PREPL: variants seen among roughly 807,000 people sequenced by gnomAD.
PREPL encodes prolyl endopeptidase-like.
In PREPL, 77 loss-of-function variants were observed where a neutral mutation model predicts 70.6. The ratio of observed to expected loss-of-function variants is 1.09; its 90% CI spans 0.91 to 1.32. The LOEUF (loss-of-function observed/expected upper bound fraction) is 1.32, where lower values mean the gene tolerates loss of function less well. PREPL is among the 40% of genes most tolerant of loss of function. The probability of loss-of-function intolerance (pLI) is 0.00; values close to 1 mark genes in which losing one functional copy is unlikely to be tolerated. For synonymous variants in PREPL, 315 were observed against 264.8 expected, an observed-to-expected ratio of 1.19 and a Z score of -1.84; for missense variants, 1,002 against 778.2, an observed-to-expected ratio of 1.29 and a Z score of -3.42.
intron 1 of PREPL, among the ~76,000 whole-genome samples, chr2:44,358,327 A>C (rs934257443): frequency 5.9e-5 from 9 of 152,216 alleles, no homozygotes; most frequent in Admixed American, 3.9e-4. Context: ...TGTTATACAT[A>C]TATTTTACCC....
intron 7 of PREPL, among the ~76,000 whole-genome samples, chr2:44,337,599 G>C (rs564921569): frequency 1.3e-5 from 2 of 152,182 alleles, no homozygotes; most frequent in Non-Finnish European, 2.9e-5. Flanking sequence ...AACTGGCTCA[G>C]TAACTCTTTT....
At chr2:44,337,508 T>C (rs1476142500) in intron 7 of PREPL, among the ~76,000 whole-genome samples, 1 of 152,208 alleles carries the variant, frequency 6.6e-6, no homozygotes, top group Non-Finnish European at 1.5e-5. Flanking sequence ...AGCCACTGAA[T>C]TGACTGAAAT....
rs1246133086 is a variant in PREPL at position 44,344,646 on chromosome 2, A to C, written c.76-60T>G. 4 of 1,270,862 alleles carry C rather than the reference A, an allele frequency of 3.1e-6. No homozygotes were observed. The African/African-American group carries it at 6.1e-5, about 19-fold the overall frequency. The allele number at this position is 1,270,862 out of a possible 1,614,324, so 78.7% of individuals were successfully genotyped here. A position where few individuals can be genotyped will look rare whatever the true frequency, so the allele number is the denominator to read the frequency against. On this transcript the variant is annotated intron_variant, in intron 2 of 13. Coordinates refer to ENST00000409411, the MANE Select transcript of PREPL (RefSeq NM_001171613.2). Reference sequence around the variant, plus strand: ...ATTTAATTAACCTTTTCATAGTCTGACTATTCAAGATGAAGATGAAATGAA... The same window carrying C: ...ATTTAATTAACCTTTTCATAGTCTGCCTATTCAAGATGAAGATGAAATGAA...
At chr2:44,355,454 C>A (rs902922963) in intron 1 of PREPL, among the ~76,000 whole-genome samples, 1 of 152,138 alleles carries the variant, frequency 6.6e-6, no homozygotes, top group African/African-American at 2.4e-5. Flanking sequence ...GAGGCTAAGG[C>A]ACGAGAATCA....
chr2:44,329,796 C>T (rs1329095495), intron 8 of PREPL, among the ~76,000 whole-genome samples: 1 of 152,150 alleles, frequency 6.6e-6, no homozygotes, highest in Non-Finnish European at 1.5e-5. Flanking sequence ...GTAGCTCAAA[C>T]TCATCAGTTC....
Position 44,322,748 on chromosome 2 carries a change from G to C in PREPL, c.1736C>G (p.Ala579Gly), listed in dbSNP as rs527518865. The change falls in exon 12 of 14, where the codon GCT becomes GGT. Residue 579 changes from alanine to glycine, a missense_variant. Ala to Gly is a moderately conservative substitution (Grantham distance 60, BLOSUM62 0). Transcript: ENST00000409411. The part of the protein sequence containing the change: ...EKLKEAIAEH[A>G]KDTGEGYQTP... ...TCTCCTACCTTCACCTGTGTCCTTAGCATGCTCCGCGATGGCTTCCTTGAG... is the reference window on the plus strand; with the variant it reads ...TCTCCTACCTTCACCTGTGTCCTTACCATGCTCCGCGATGGCTTCCTTGAG... 4 of 1,613,706 alleles carry C rather than the reference G, an allele frequency of 2.5e-6. No individual in the cohort carries two copies. In the East Asian group the frequency reaches 8.9e-5, roughly 36 times the overall value.
In PREPL at chr2:44,326,196, A is replaced by G. The variant is rs192144072; in HGVS notation, c.1479+516T>C. 4.1e-4 allele frequency among the ~76,000 whole-genome samples: 62 copies of G among 152,338 alleles called. No individual in the cohort carries two copies. In the East Asian group the frequency reaches 8.9e-3, roughly 22 times the overall value. On this transcript the variant is annotated intron_variant, in intron 10 of 13. Transcript: ENST00000409411. ...ATACAAATGAGCAATGGAAATAGCC[A>G]TTAATATCTTTCAGTGGAAAGCCTT...
intron 1 of PREPL, among the ~76,000 whole-genome samples, chr2:44,356,626 C>T (rs1380860713): frequency 6.6e-6 from 1 of 152,062 alleles, no homozygotes; most frequent in African/African-American, 2.4e-5. Context: ...GGGGTGAGAT[C>T]CAGGAATCCG....
At chr2:44,340,461 T>A (rs895965197) in intron 5 of PREPL, among the ~76,000 whole-genome samples, 9 of 152,286 alleles carry the variant, frequency 5.9e-5, no homozygotes, top group Admixed American at 5.9e-4. Flanking sequence ...CTGAAAAACG[T>A]AAAGAATCCC....
Position 44,329,040 on chromosome 2 carries a change from C to A in PREPL, c.1159G>T (p.Val387Leu). The A allele has an allele frequency of 9.9e-6, 16 of 1,613,144 alleles. No homozygotes were observed. Among genetic ancestry groups the A allele is most frequent in the Non-Finnish European group, 1.3e-5 (15 of 1,179,208 alleles). The change falls in exon 9 of 14, where the codon GTA (valine) becomes TTA (leucine). Residue 387 changes from valine to leucine, a missense_variant. Val to Leu is a conservative substitution (Grantham distance 32). Coordinates refer to ENST00000409411, the MANE Select transcript of PREPL (RefSeq NM_001171613.2). ...ATTCCATAAGCTCCATATACATGTA[C>A]CAAGAGAGGTTTCTTCTGCAAGTCC... ...SEDLQKKPLLVHVYGAYGMDL... is the reference protein window; with the variant it reads ...SEDLQKKPLLLHVYGAYGMDL...
chr2:44,331,946 CTTTTTTT>C (rs35003986), intron 8 of PREPL, among the ~76,000 whole-genome samples: 1 of 121,694 alleles, frequency 8.2e-6, no homozygotes. Context: ...TATAAATTTT[CTTTTTTT>C]TTTTTTTTTT....
intron 11 of PREPL, 144 bp downstream of exon 11, chr2:44,323,118 G>T: frequency 1.2e-6 from 1 of 854,698 alleles, no homozygotes; most frequent in Non-Finnish European, 1.8e-6. Context: ...CATGGAGCAT[G>T]AGCAGAGATG....
At position 44,333,034 on chromosome 2, in the gene PREPL, T is replaced by C. The variant is rs539985813; in HGVS notation, c.889-378A>G. On this transcript the variant is annotated intron_variant, in intron 7 of 13. Transcript: ENST00000409411. ...ACCGACACTGCCAAGATCTCTGTTC[T>C]CAAAGAACGTGAAATTCCTCACATG... Among the ~76,000 whole-genome samples, 6 of 152,338 alleles carry C rather than the reference T, an allele frequency of 3.9e-5. No homozygotes were observed. The East Asian group carries it at 9.6e-4, about 24-fold the overall frequency.
chr2:44,358,537 A>G (rs943879304), intron 1 of PREPL, among the ~76,000 whole-genome samples: 5 of 152,230 alleles, frequency 3.3e-5, no homozygotes, highest in African/African-American at 1.2e-4. Context: ...GCACAAATAG[A>G]TCATTTAATC....
In PREPL at chr2:44,319,387, TGGG is replaced by T. The variant is rs933046422; in HGVS notation, c.*1966_*1968del. 1 of 152,390 alleles carries T rather than the reference TGGG, an allele frequency of 6.6e-6. No homozygotes were observed. The highest frequency in any genetic ancestry group is 2.4e-5 in the African/African-American group (1 of 41,370). The allele number at this position is 152,390 out of a possible 1,614,324, so 9.4% of individuals were successfully genotyped here. A position where few individuals can be genotyped will look rare whatever the true frequency, so the allele number is the denominator to read the frequency against. On this transcript the variant is annotated 3_prime_UTR_variant, in exon 14 of 14. Transcript: ENST00000409411. The stretch of plus-strand genomic sequence containing the variant: ...TAATCTATCTTAAGTAATACAAAAA[TGGG>T]GGGAGGGGAATAAAAATACAAAATA...
intron 1 of PREPL, among the ~76,000 whole-genome samples, chr2:44,354,346 G>T (rs1036008266): frequency 6.6e-6 from 1 of 152,226 alleles, no homozygotes; most frequent in Admixed American, 6.5e-5. Context: ...CTATGTGCTG[G>T]CAAGATGTGT....
Position 44,328,917 on chromosome 2 carries a change from G to A in PREPL, c.1262+20C>T, listed in dbSNP as rs996155855. 2.5e-6 allele frequency: 4 copies of A among 1,601,926 alleles called. No individual in the cohort carries two copies. The highest frequency in any genetic ancestry group is 3.4e-5 in the Admixed American group (2 of 58,024). The stretch of plus-strand genomic sequence containing the variant: ...ACAATGGTCTAGCACTTACATGCCA[G>A]GTAAAATATACTGACTCACCGAACA... On this transcript the variant is annotated intron_variant, in intron 9 of 13. Transcript: ENST00000409411.
At position 44,320,992 on chromosome 2, in the gene PREPL, C is replaced by T. The variant is rs1350019366; in HGVS notation, c.*364G>A. 1.8e-5 allele frequency: 7 copies of T among 396,558 alleles called. No individual in the cohort carries two copies. The highest frequency in any genetic ancestry group is 7.7e-5 in the South Asian group (3 of 38,964). 24.6% of individuals were successfully genotyped at this position (396,558 alleles called of 1,614,324 possible). A position where few individuals can be genotyped will look rare whatever the true frequency, so the allele number is the denominator to read the frequency against. ...GAAATTAGAGGATGACTCACTGCCA[C>T]AGTGTCTAAAAGCATTTGCTAGCAA... On this transcript the variant is annotated 3_prime_UTR_variant, in exon 14 of 14. Transcript: ENST00000409411.
chr2:44,322,845 A>C lies in PREPL; in HGVS notation c.1639T>G (p.Ser547Ala), dbSNP rs909439528. ...TTTTCATATGCCGTTATGTGAATTG[A>C]AGGATAATGCTGAAAGAAAATACAT... ...YQNIKPQHYP[S>A]IHITAYENDE... Residue 547 changes from serine to alanine, a missense_variant, in exon 12 of 14, where the codon TCA (serine) becomes GCA (alanine). Physicochemically the swap from Ser to Ala is moderately conservative, Grantham distance 99. Coordinates refer to ENST00000409411, the MANE Select transcript of PREPL (RefSeq NM_001171613.2). 1 of 1,613,510 alleles carries C rather than the reference A, an allele frequency of 6.2e-7. No individual in the cohort carries two copies. The highest frequency in any genetic ancestry group is 1.3e-5 in the African/African-American group (1 of 74,882).
Sources: gnomAD v4.1 joint callset for allele counts (sites outside exome capture counted in the v4.1 genomes callset) on GRCh38, gnomAD v4.1.1 for gene constraint, MANE v1.5 for transcripts, NCBI Gene and HGNC (gene_info 2026-07-23, HGNC 2026-07-21) for gene names.